KARS1: variants seen among roughly 807,000 people sequenced by gnomAD.
KARS1 encodes the protein lysyl-tRNA synthetase 1, also known as lysine--tRNA ligase.
KARS1 carries 50 observed loss-of-function variants against 63.9 expected under a neutral mutation model. The observed-to-expected ratio is 0.78, with a 90% CI of 0.62 to 0.99. The LOEUF (loss-of-function observed/expected upper bound fraction) is 0.99. Ranked by LOEUF, KARS1 falls within the 50% of genes least tolerant of loss-of-function variation. The probability of loss-of-function intolerance (pLI) is 0.00; values close to 1 mark genes in which losing one functional copy is unlikely to be tolerated. For synonymous variants in KARS1, 320 were observed against 264.6 expected (o/e 1.21, Z -2.03); for missense variants, 816 against 754.5 (o/e 1.08, Z -0.95).
In KARS1 at chr16:75,644,407, T is replaced by A. The variant is rs368867504; in HGVS notation, c.63-2684A>T. ...TTGCGCAGGGACCCCCTAACAAGCC[T>A]TACAGCAGCTTGCGTCAACATGGCA... is the stretch of plus-strand genomic sequence containing the variant. On this transcript the variant is annotated intron_variant, in intron 1 of 13. Transcript: ENST00000302445. 1.4e-4 allele frequency: 222 copies of A among 1,611,648 alleles called. No homozygotes were observed. The highest frequency in any genetic ancestry group is 1.8e-4 in the Non-Finnish European group (208 of 1,178,826).
chr16:75,643,995 G>C (rs1027528677), intron 1 of KARS1, among the ~76,000 whole-genome samples: 1 of 152,196 alleles, frequency 6.6e-6, no homozygotes, highest in Non-Finnish European at 1.5e-5. Context: ...CAAAACTCCA[G>C]AAAGACAGAA....
At chr16:75,634,704 T>C (rs778253014) in intron 6 of KARS1, among the ~76,000 whole-genome samples, 7 of 152,174 alleles carry the variant, frequency 4.6e-5, no homozygotes, top group African/African-American at 7.2e-5. Flanking sequence ...GACTCCAAAG[T>C]AGCTGGGACT....
chr16:75,628,465 G>T, intron 13 of KARS1, 104 bp downstream of exon 13: 1 of 1,336,610 alleles, frequency 7.5e-7, no homozygotes, highest in Non-Finnish European at 1.1e-6. Context: ...CCTCTTCCCA[G>T]CCCAAAGCCC....
In KARS1 at chr16:75,644,733, CACA is replaced by C. The variant is rs1226051869; in HGVS notation, c.62+2842_62+2844del. 5.3e-5 allele frequency among the ~76,000 whole-genome samples: 8 copies of C among 152,274 alleles called. No homozygotes were observed. In the East Asian group the frequency reaches 1.5e-3, roughly 29 times the overall value. On this transcript the variant is annotated intron_variant, in intron 1 of 13. Coordinates refer to ENST00000302445, the MANE Select transcript of KARS1 (RefSeq NM_005548.3). ...TGGATAGCTTACAGGTAAAATTGCT[CACA>C]ACATCCTAGAATATGGGAACAGGAT...
chr16:75,632,182 G>A lies in KARS1; in HGVS notation c.916-327C>T, dbSNP rs955587889. Among the ~76,000 whole-genome samples the A allele has an allele frequency of 3.9e-5, 6 of 152,232 alleles. No individual in the cohort carries two copies. In the East Asian group the frequency reaches 5.8e-4, roughly 15 times the overall value. On this transcript the variant is annotated intron_variant, in intron 7 of 13. Transcript: ENST00000302445. ...TGGGATTACAGGCATGAGCCACCGC[G>A]CCCGGCCCCATGACAGCTAATCTTG... is the stretch of plus-strand genomic sequence containing the variant.
In KARS1 at chr16:75,635,989, T is replaced by C; in HGVS notation, c.592A>G (p.Ile198Val). The stretch of plus-strand genomic sequence containing the variant: ...AGCAGTGTGATCTCATACGGAATGA[T>C]GCTCAGCTCACCCTTCTTGGTTTTA... ...PGKTKKGELS[I>V]IPYEITLLSP... Residue 198 changes from isoleucine to valine, a missense_variant, in exon 5 of 14, where the codon ATC becomes GTC. Physicochemically the swap from Ile to Val is conservative, Grantham distance 29 (BLOSUM62 3). Coordinates refer to ENST00000302445, the MANE Select transcript of KARS1 (RefSeq NM_005548.3). 1 of 1,614,184 alleles carries C rather than the reference T, an allele frequency of 6.2e-7. No individual in the cohort carries two copies. The highest frequency in any genetic ancestry group is 8.5e-7 in the Non-Finnish European group (1 of 1,180,010).
rs373980534 is a variant in KARS1 at position 75,644,423 on chromosome 16, C to G, written c.63-2700G>C. 2 of 1,610,688 alleles carry G rather than the reference C, an allele frequency of 1.2e-6. No individual in the cohort carries two copies. Among genetic ancestry groups the G allele is most frequent in the Admixed American group, 1.7e-5 (1 of 59,564 alleles). ...TAACAAGCCTTACAGCAGCTTGCGTCAACATGGCAGAGCACCCTGGAACTA... is the reference window on the plus strand; with the variant it reads ...TAACAAGCCTTACAGCAGCTTGCGTGAACATGGCAGAGCACCCTGGAACTA... On this transcript the variant is annotated intron_variant, in intron 1 of 13. Coordinates refer to ENST00000302445, the MANE Select transcript of KARS1 (RefSeq NM_005548.3).
At position 75,635,662 on chromosome 16, in the gene KARS1, G is replaced by C; in HGVS notation, c.795+18C>G. The C allele has an allele frequency of 6.2e-7, 1 of 1,613,164 alleles. No homozygotes were observed. The highest frequency in any genetic ancestry group is 8.5e-7 in the Non-Finnish European group (1 of 1,179,780). ...ATTGCAAGGCAGCTCATCACGTCAG[G>C]CAAGGAACTCTCCTTACCTCTAGGA... On this transcript the variant is annotated intron_variant, in intron 6 of 13. Coordinates refer to ENST00000302445, the MANE Select transcript of KARS1 (RefSeq NM_005548.3).
chr16:75,634,294 TA>T lies in KARS1; in HGVS notation c.796-3del. 1 of 1,613,890 alleles carries T rather than the reference TA, an allele frequency of 6.2e-7. No homozygotes were observed. Among genetic ancestry groups the T allele is most frequent in the Non-Finnish European group, 8.5e-7 (1 of 1,179,844 alleles). ...GATGTTCATCATGGGAGTTTCAATC[TA>T]AAAAAGGCAGGGAGAAACATCAGTC... is the stretch of plus-strand genomic sequence containing the variant. On this transcript the variant is annotated splice_polypyrimidine_tract_variant and splice_region_variant and intron_variant, in intron 6 of 13. Coordinates refer to ENST00000302445, the MANE Select transcript of KARS1 (RefSeq NM_005548.3).
intron 7 of KARS1, among the ~76,000 whole-genome samples, chr16:75,633,761 T>A (rs1184981107): frequency 6.6e-6 from 1 of 152,190 alleles, no homozygotes; most frequent in African/African-American, 2.4e-5. Flanking sequence ...AAGTGATCCA[T>A]CCGCCTTGGC....
At chr16:75,647,422 T>G (rs1252051349) in intron 1 of KARS1, 156 bp downstream of exon 1, 8 of 748,940 alleles carry the variant, frequency 1.1e-5, no homozygotes, top group African/African-American at 1.7e-5. Flanking sequence ...CCGGGGTACG[T>G]GGTCTGCAGG....
rs16941301 is a variant in KARS1, at chr16:75,631,596, G to T, written c.1079-7C>A. The T allele has an allele frequency of 3.7e-6, 6 of 1,614,018 alleles. No homozygotes were observed. The South Asian group carries it at 6.6e-5, about 18-fold the overall frequency. Reference sequence around the variant, plus strand: ...GTAATATGCTTCACCATCCCTGGGAGAGAAACCTGTTATTTAGCGGGAATG... The same window carrying T: ...GTAATATGCTTCACCATCCCTGGGATAGAAACCTGTTATTTAGCGGGAATG... On this transcript the variant is annotated splice_region_variant and splice_polypyrimidine_tract_variant and intron_variant, in intron 8 of 13. Transcript: ENST00000302445.
intron 1 of KARS1, among the ~76,000 whole-genome samples, chr16:75,643,920 G>C (rs369325521): frequency 6.6e-6 from 1 of 152,066 alleles, no homozygotes; most frequent in African/African-American, 2.4e-5. Context: ...TCAATCTTAA[G>C]GATAATCCAA....
At chr16:75,636,943 A>ATTTTTT (rs869266336) in intron 3 of KARS1, among the ~76,000 whole-genome samples, 2 of 116,064 alleles carry the variant, frequency 1.7e-5, no homozygotes, top group Non-Finnish European at 1.7e-5. Context: ...CCCGGCCTGC[A>ATTTTTT]TTTTTTTTTT....
chr16:75,647,337 T>C lies in KARS1; in HGVS notation c.62+241A>G, dbSNP rs2082298354. 4 of 605,928 alleles carry C rather than the reference T, an allele frequency of 6.6e-6. No individual in the cohort carries two copies. In the Admixed American group the frequency reaches 8.5e-5, roughly 13 times the overall value. The allele number at this position is 605,928 out of a possible 1,614,324, so 37.5% of individuals were successfully genotyped here. A position where few individuals can be genotyped will look rare whatever the true frequency, so the allele number is the denominator to read the frequency against. ...GTCCTAGTTCCTCCTCCACAGTCTCTTAACTCTAGGAGTATGATAGGGAGC... is the reference window on the plus strand; with the variant it reads ...GTCCTAGTTCCTCCTCCACAGTCTCCTAACTCTAGGAGTATGATAGGGAGC... On this transcript the variant is annotated intron_variant, in intron 1 of 13. Transcript: ENST00000302445.
Position 75,631,520 on chromosome 16 carries a change from T to C in KARS1, c.1148A>G (p.Tyr383Cys). 1 of 1,614,140 alleles carries C rather than the reference T, an allele frequency of 6.2e-7. No homozygotes were observed. Among genetic ancestry groups the C allele is most frequent in the Admixed American group, 1.7e-5 (1 of 60,026 alleles). ...YHPDGPEGQAYDVDFTPPFRR... is the reference protein window; with the variant it reads ...YHPDGPEGQACDVDFTPPFRR... Reference sequence around the variant, plus strand: ...GAAGGGTGGGGTGAAGTCAACATCGTAGGCTTGGCCCTCTGGGCCATCTGG... The same window carrying C: ...GAAGGGTGGGGTGAAGTCAACATCGCAGGCTTGGCCCTCTGGGCCATCTGG... Residue 383 changes from tyrosine to cysteine, a missense_variant, in exon 9 of 14, where the codon TAC (tyrosine) becomes TGC (cysteine). Coordinates refer to ENST00000302445, the MANE Select transcript of KARS1 (RefSeq NM_005548.3).
chr16:75,637,751 C>T (rs2082177581), intron 3 of KARS1, among the ~76,000 whole-genome samples: 1 of 148,140 alleles, frequency 6.8e-6, no homozygotes, highest in African/African-American at 2.5e-5. Flanking sequence ...TGCACTCCAG[C>T]CTGGGCAATA....
chr16:75,644,449 A>T, intron 1 of KARS1: 1 of 1,600,670 alleles, frequency 6.2e-7, no homozygotes, highest in Non-Finnish European at 8.5e-7. Context: ...CCTGGAACTA[A>T]TGATTACCAC....
rs2082099266 is a variant in KARS1 at position 75,630,456 on chromosome 16, T to C, written c.1391A>G (p.Asp464Gly). 1.2e-6 allele frequency: 2 copies of C among 1,610,906 alleles called. No homozygotes were observed. The highest frequency in any genetic ancestry group is 1.7e-6 in the Non-Finnish European group (2 of 1,177,710). The change falls in exon 11 of 14, where the codon GAT becomes GGT. Residue 464 changes from aspartate (D) to glycine (G), a missense_variant. Transcript: ENST00000302445. ...VTCINPTFIC[D>G]HPQIMSPLAK... Reference sequence around the variant, plus strand: ...CAAAGGGCTCATTATCTGTGGGTGATCACAGATGAATGTAGGATTGATGCA... The same window carrying C: ...CAAAGGGCTCATTATCTGTGGGTGACCACAGATGAATGTAGGATTGATGCA...
Sources: allele counts gnomAD v4.1 joint callset (sites outside exome capture counted in the v4.1 genomes callset), GRCh38; gene constraint gnomAD v4.1.1; transcripts MANE v1.5; gene names NCBI Gene and HGNC (gene_info 2026-07-23, HGNC 2026-07-21).